Variants in NPEPPS observed in about 807,000 individuals in gnomAD.
NPEPPS encodes the protein puromycin-sensitive aminopeptidase.
Under a neutral mutation model 115.5 loss-of-function variants are expected in NPEPPS, and 14 were observed. The ratio of observed to expected loss-of-function variants is 0.12; its 90% CI spans 0.08 to 0.19. The LOEUF is 0.19. Ranked by LOEUF, NPEPPS falls within the 10% of genes least tolerant of loss-of-function variation. The probability of loss-of-function intolerance (pLI) is 1.00; values close to 1 mark genes in which losing one functional copy is unlikely to be tolerated. For missense variants in NPEPPS, 523 were observed against 1,110.8 expected (o/e 0.47, Z 7.52); for synonymous variants, 285 against 390.6 (o/e 0.73, Z 3.19).
At position 47,596,710 on chromosome 17, in the gene NPEPPS, C is replaced by G. The variant is rs1364729352; in HGVS notation, c.1536+248C>G. ...AAAATTTGATATAATTCTAAAACCA[C>G]CAAATATGGTTTATTCTACAAATGC... On this transcript the variant is annotated intron_variant, in intron 13 of 22. Transcript: ENST00000322157. Among the ~76,000 whole-genome samples, 3 of 152,172 alleles carry G rather than the reference C, an allele frequency of 2.0e-5. No individual in the cohort carries two copies. The East Asian group carries it at 5.8e-4, about 29-fold the overall frequency.
chr17:47,524,661 A>AT (rs56230488), intron 1 of NPEPPS, among the ~76,000 whole-genome samples: 14 of 135,446 alleles, frequency 1.0e-4, no homozygotes, highest in African/African-American at 3.8e-4. Flanking sequence ...CGCCTGGCTA[A>AT]TTTTTTTTTT....
chr17:47,615,557 A>T (rs1914151099), intron 19 of NPEPPS, among the ~76,000 whole-genome samples: 1 of 152,184 alleles, frequency 6.6e-6, no homozygotes, highest in African/African-American at 2.4e-5. Flanking sequence ...ACCCTATCTT[A>T]AAAAAGACCC....
chr17:47,552,899 G>A (rs1909746964), intron 2 of NPEPPS, among the ~76,000 whole-genome samples: 2 of 152,114 alleles, frequency 1.3e-5, no homozygotes, highest in African/African-American at 2.4e-5. Flanking sequence ...GGCACAGAGA[G>A]GGTATCTACT....
intron 1 of NPEPPS, among the ~76,000 whole-genome samples, chr17:47,535,414 G>C (rs1349835879): frequency 6.6e-6 from 1 of 151,370 alleles, no homozygotes; most frequent in Non-Finnish European, 1.5e-5. Context: ...AGCCGGGCGT[G>C]GTGGCGGGTG....
intron 1 of NPEPPS, among the ~76,000 whole-genome samples, chr17:47,532,120 C>A (rs945154205): frequency 5.9e-5 from 9 of 152,024 alleles, no homozygotes; most frequent in African/African-American, 2.2e-4. Flanking sequence ...GAATGTTAAT[C>A]CCAGGCAGCC....
At chr17:47,548,640 G>T (rs1328042985) in intron 2 of NPEPPS, among the ~76,000 whole-genome samples, 2 of 132,416 alleles carry the variant, frequency 1.5e-5, no homozygotes, top group South Asian at 4.7e-4. Context: ...GTCGCCAAAC[G>T]ATCTCGGCTT....
intron 1 of NPEPPS, among the ~76,000 whole-genome samples, chr17:47,532,326 TTGCTAC>T (rs1907863571): frequency 6.6e-6 from 1 of 152,168 alleles, no homozygotes; most frequent in Admixed American, 6.6e-5. Flanking sequence ...GGTGGATTTA[TTGCTAC>T]CGTGATGGTT....
intron 1 of NPEPPS, among the ~76,000 whole-genome samples, chr17:47,533,550 G>T (rs1425270516): frequency 1.3e-5 from 2 of 152,002 alleles, no homozygotes; most frequent in Non-Finnish European, 2.9e-5. Flanking sequence ...TGCCAAAATG[G>T]ATTCATAATT....
At chr17:47,541,502 G>T (rs1479375273) in intron 1 of NPEPPS, among the ~76,000 whole-genome samples, 1 of 151,694 alleles carries the variant, frequency 6.6e-6, no homozygotes, top group African/African-American at 2.4e-5. Context: ...TCAGCCTCCC[G>T]AGTAGCTGGG....
Position 47,619,900 on chromosome 17 carries a change from G to T in NPEPPS, c.2607+116G>T, listed in dbSNP as rs962290689. On this transcript the variant is annotated intron_variant, in intron 22 of 22. Coordinates refer to ENST00000322157, the MANE Select transcript of NPEPPS (RefSeq NM_006310.4). ...TAGCATCTCTGTGTTTTTGTTTAGA[G>T]AAAGACATCATGCAGGGCTGTATAG... 31 of 878,710 alleles carry T rather than the reference G, an allele frequency of 3.5e-5. No homozygotes were observed. The South Asian group carries it at 4.4e-4, about 12-fold the overall frequency. 54.4% of individuals were successfully genotyped at this position (878,710 alleles called of 1,614,324 possible). A position where few individuals can be genotyped will look rare whatever the true frequency, so the allele number is the denominator to read the frequency against.
At chr17:47,552,092 G>A (rs1465270851) in intron 2 of NPEPPS, among the ~76,000 whole-genome samples, 4 of 138,484 alleles carry the variant, frequency 2.9e-5, no homozygotes, top group East Asian at 2.3e-4. Context: ...ACAGCCTCCC[G>A]GAGAGCTGGG....
chr17:47,607,523 A>G (rs1003853404), intron 17 of NPEPPS, among the ~76,000 whole-genome samples: 2 of 152,212 alleles, frequency 1.3e-5, no homozygotes, highest in Non-Finnish European at 2.9e-5. Flanking sequence ...TTTCACATTT[A>G]GTGATATGAC....
Position 47,590,701 on chromosome 17 carries a change from C to T in NPEPPS, c.1096-16C>T. On this transcript the variant is annotated splice_polypyrimidine_tract_variant and intron_variant, in intron 9 of 22. Transcript: ENST00000322157. ...TCATTTCATTTTCTTTAAGTATTTT[C>T]ATCTTTTGTTTTTAGGAATGGTGGA... 1 of 1,608,426 alleles carries T rather than the reference C, an allele frequency of 6.2e-7. No individual in the cohort carries two copies. The highest frequency in any genetic ancestry group is 8.5e-7 in the Non-Finnish European group (1 of 1,176,150).
At position 47,615,073 on chromosome 17, in the gene NPEPPS, C is replaced by CTTTTTTT. The variant is rs60829784; in HGVS notation, c.2295+1365_2295+1371dup. 2.3e-3 allele frequency among the ~76,000 whole-genome samples: 280 copies of CTTTTTTT among 122,458 alleles called. 7 individuals carry two copies. The highest frequency in any genetic ancestry group is 5.2e-3 in the African/African-American group (155 of 29,728). The allele number at this position is 122,458 out of a possible 152,430, so 80.3% of individuals were successfully genotyped here. On this transcript the variant is annotated intron_variant, in intron 19 of 22. Transcript: ENST00000322157. ...ATGTTGTAATAGGTTTACTTTCTTT[C>CTTTTTTT]TTTTTTTTTTTTTTTTTTTTTTTGA...
At chr17:47,591,851 C>T in intron 10 of NPEPPS, 105 bp from the exon 11 acceptor site, 2 of 550,666 alleles carry the variant, frequency 3.6e-6, no homozygotes, top group Non-Finnish European at 6.5e-6. Flanking sequence ...GAGTTAAAGG[C>T]AGAAAAATGT....
At chr17:47,549,029 G>A (rs7209422) in intron 2 of NPEPPS, among the ~76,000 whole-genome samples, 80,823 of 151,932 alleles carry the variant, frequency 0.53, 21,746 homozygotes, top group East Asian at 0.66. Context: ...CTGATAAAAC[G>A]TTAAATTATT....
intron 3 of NPEPPS, among the ~76,000 whole-genome samples, chr17:47,578,233 C>A (rs1308279683): frequency 6.7e-6 from 1 of 149,668 alleles, no homozygotes; most frequent in Non-Finnish European, 1.5e-5. Context: ...AAAGTCACAA[C>A]ATTTTGAACA....
At chr17:47,553,183 A>G (rs1909768434) in intron 2 of NPEPPS, among the ~76,000 whole-genome samples, 1 of 151,854 alleles carries the variant, frequency 6.6e-6, no homozygotes, top group Non-Finnish European at 1.5e-5. Context: ...CCTGGCCAAC[A>G]TGGTGAAACC....
chr17:47,563,270 G>A (rs1402037900), intron 2 of NPEPPS, among the ~76,000 whole-genome samples: 1 of 152,068 alleles, frequency 6.6e-6, no homozygotes, highest in African/African-American at 2.4e-5. Flanking sequence ...GACCTCAGGT[G>A]ATCTGCCCAT....
Sources: allele counts gnomAD v4.1 joint callset (sites outside exome capture counted in the v4.1 genomes callset), GRCh38; gene constraint gnomAD v4.1.1; transcripts MANE v1.5; gene names NCBI Gene and HGNC (gene_info 2026-07-23, HGNC 2026-07-21).